Variants in THSD7B observed in about 807,000 individuals in gnomAD.
THSD7B encodes the protein thrombospondin type-1 domain-containing protein 7B.
Under a neutral mutation model 213.6 loss-of-function variants are expected in THSD7B, and 138 were observed. The ratio of observed to expected loss-of-function variants is 0.65; its 90% confidence interval spans 0.56 to 0.74. The LOEUF is 0.74. Ranked by LOEUF, THSD7B falls within the 30% of genes least tolerant of loss-of-function variation. The probability of loss-of-function intolerance (pLI) is 0.00; values close to 1 mark genes in which losing one functional copy is unlikely to be tolerated. For missense variants in THSD7B, 1,931 were observed against 1,991.5 expected (o/e 0.97, Z 0.58); for synonymous variants, 742 against 687.0 (o/e 1.08, Z -1.25).
Position 137,271,456 on chromosome 2 carries a change from ATATAT to A in THSD7B, c.2267-1076_2267-1072del, listed in dbSNP as rs1451336667. Among the ~76,000 whole-genome samples the A allele has an allele frequency of 9.2e-4, 131 of 142,578 alleles. 4 individuals carry two copies. In the East Asian group the frequency reaches 0.019, roughly 20 times the overall value. The allele number at this position is 142,578 out of a possible 152,430, so 93.5% of individuals were successfully genotyped here. On this transcript the variant is annotated intron_variant, in intron 10 of 27. Coordinates refer to ENST00000409968, the MANE Select transcript of THSD7B (RefSeq NM_001316349.2). Reference sequence around the variant, plus strand: ...TATATATAATATAATATATAATATAATATATAATATAATATATAATATAAAATCAT... The same window carrying A: ...TATATATAATATAATATATAATATAAAATATAATATATAATATAAAATCAT...
chr2:137,399,417 T>G (rs958975702), intron 12 of THSD7B, among the ~76,000 whole-genome samples: 2 of 152,088 alleles, frequency 1.3e-5, no homozygotes, highest in Non-Finnish European at 2.9e-5. Flanking sequence ...GGTCTCGAAC[T>G]CCTGACCTTG....
chr2:137,577,670 T>C (rs1254499800), intron 17 of THSD7B, among the ~76,000 whole-genome samples: 1 of 152,172 alleles, frequency 6.6e-6, no homozygotes, highest in East Asian at 1.9e-4. Flanking sequence ...TTCCTTTTCT[T>C]ACTAGCAGAC....
intron 17 of THSD7B, among the ~76,000 whole-genome samples, chr2:137,594,795 G>T (rs941243821): frequency 9.9e-5 from 15 of 151,864 alleles, no homozygotes; most frequent in African/African-American, 3.6e-4. Context: ...TTATAGATCA[G>T]TTTGGAAAAG....
chr2:136,838,875 T>A (rs1185710436), intron 1 of THSD7B, among the ~76,000 whole-genome samples: 1 of 152,214 alleles, frequency 6.6e-6, no homozygotes, highest in Non-Finnish European at 1.5e-5. Flanking sequence ...AAGTCTCTAC[T>A]TGTGCAGCTG....
intron 2 of THSD7B, among the ~76,000 whole-genome samples, chr2:137,012,551 C>A (rs1558886523): frequency 6.6e-6 from 1 of 152,004 alleles, no homozygotes; most frequent in Admixed American, 6.6e-5. Flanking sequence ...ACATTCAATT[C>A]TTTTTTTTGT....
chr2:136,782,130 A>G (rs1418871848), intron 1 of THSD7B, among the ~76,000 whole-genome samples: 2 of 152,232 alleles, frequency 1.3e-5, no homozygotes, highest in Non-Finnish European at 2.9e-5. Context: ...ACCTTGGAAA[A>G]GATCTGAAAT....
intron 17 of THSD7B, among the ~76,000 whole-genome samples, chr2:137,599,042 C>T (rs887247541): frequency 9.0e-5 from 11 of 122,406 alleles, no homozygotes; most frequent in Admixed American, 4.7e-4. Context: ...CCTCCCCCCA[C>T]CCCACCACAG....
At chr2:137,501,282 A>G (rs1209928163) in intron 15 of THSD7B, among the ~76,000 whole-genome samples, 2 of 152,346 alleles carry the variant, frequency 1.3e-5, no homozygotes, top group East Asian at 3.9e-4. Flanking sequence ...TCCACAATCT[A>G]GCAAAATTAC....
At chr2:137,398,813 G>A (rs574782308) in intron 12 of THSD7B, among the ~76,000 whole-genome samples, 170 of 152,310 alleles carry the variant, frequency 1.1e-3, no homozygotes, top group African/African-American at 3.8e-3. Context: ...AGCAATCAGC[G>A]AGATTCCGTG....
chr2:137,602,275 T>TTG, intron 17 of THSD7B, among the ~76,000 whole-genome samples: 1 of 152,172 alleles, frequency 6.6e-6, no homozygotes, highest in South Asian at 2.1e-4. Flanking sequence ...GTTTTTGTTT[T>TTG]TGTATTATTT....
At chr2:137,123,311 C>T (rs1688575640) in intron 5 of THSD7B, among the ~76,000 whole-genome samples, 3 of 152,002 alleles carry the variant, frequency 2.0e-5, no homozygotes, top group South Asian at 2.1e-4. Flanking sequence ...TGGGGTGAAC[C>T]TTGACCAATG....
chr2:137,086,796 G>C (rs1053098990), intron 3 of THSD7B, among the ~76,000 whole-genome samples: 1 of 152,176 alleles, frequency 6.6e-6, no homozygotes, highest in African/African-American at 2.4e-5. Context: ...AAATAAGCCT[G>C]ATGATACCAA....
chr2:137,285,472 G>A (rs933694472), intron 12 of THSD7B, among the ~76,000 whole-genome samples: 1 of 151,938 alleles, frequency 6.6e-6, no homozygotes, highest in African/African-American at 2.4e-5. Flanking sequence ...TGGCTCATTA[G>A]TTGATGCAGT....
chr2:137,467,319 GTTA>G (rs1394696196), intron 15 of THSD7B, among the ~76,000 whole-genome samples: 3 of 152,164 alleles, frequency 2.0e-5, no homozygotes, highest in Non-Finnish European at 2.9e-5. Flanking sequence ...GAATACATTT[GTTA>G]TATACTGGTG....
intron 5 of THSD7B, among the ~76,000 whole-genome samples, chr2:137,145,699 A>C (rs757405237): frequency 2.0e-5 from 3 of 151,978 alleles, no homozygotes; most frequent in Non-Finnish European, 2.9e-5. Flanking sequence ...TCAATTAAGA[A>C]GGTATAAATG....
intron 12 of THSD7B, among the ~76,000 whole-genome samples, chr2:137,392,691 T>C (rs943537441): frequency 2.6e-5 from 4 of 152,142 alleles, no homozygotes; most frequent in Admixed American, 6.5e-5. Flanking sequence ...TCTTTTCTTT[T>C]TCTCATTCTG....
chr2:137,132,263 G>A, intron 5 of THSD7B, among the ~76,000 whole-genome samples: 1 of 151,230 alleles, frequency 6.6e-6, no homozygotes, highest in Non-Finnish European at 1.5e-5. Context: ...TTGCTTATCA[G>A]CTTAAGGAGA....
chr2:137,271,390 A>T (rs973407336), intron 10 of THSD7B, among the ~76,000 whole-genome samples: 1 of 134,222 alleles, frequency 7.5e-6, no homozygotes, highest in Non-Finnish European at 1.6e-5. Flanking sequence ...TATATATATT[A>T]TGAATTATAT....
At chr2:137,107,166 A>G (rs1688270478) in intron 4 of THSD7B, among the ~76,000 whole-genome samples, 1 of 152,170 alleles carries the variant, frequency 6.6e-6, no homozygotes, top group Non-Finnish European at 1.5e-5. Context: ...GGCCGAATAA[A>G]CAAAATGTAG....
Sources: gnomAD v4.1 joint callset for allele counts (sites outside exome capture counted in the v4.1 genomes callset) on GRCh38, gnomAD v4.1.1 for gene constraint, MANE v1.5 for transcripts, NCBI Gene and HGNC (gene_info 2026-07-23, HGNC 2026-07-21) for gene names.